Variants in SLC35F1 observed in about 807,000 individuals in gnomAD.
SLC35F1 encodes the protein solute carrier family 35 member F1, also known as chromosome 6 open reading frame 169.
SLC35F1 carries 14 observed loss-of-function variants against 48.7 expected under a neutral mutation model. The observed-to-expected ratio is 0.29, with a 90% CI of 0.19 to 0.45. SLC35F1 has a LOEUF of 0.45. Among genes scored for constraint, SLC35F1 ranks in the 20% least tolerant of loss-of-function variants. The pLI is 1.00. For synonymous variants in SLC35F1, 190 were observed against 202.2 expected (o/e 0.94, Z 0.51); for missense variants, 404 against 500.0 (o/e 0.81, Z 1.83).
chr6:118,034,898 C>T (rs897983486), intron 1 of SLC35F1, among the ~76,000 whole-genome samples: 4 of 152,060 alleles, frequency 2.6e-5, no homozygotes, highest in African/African-American at 9.7e-5. Context: ...TTATACTGGC[C>T]TTGTAAAACT....
At chr6:117,983,335 G>T (rs1776806560) in intron 1 of SLC35F1, among the ~76,000 whole-genome samples, 1 of 152,124 alleles carries the variant, frequency 6.6e-6, no homozygotes, top group South Asian at 2.1e-4. Context: ...CCAGCACTTT[G>T]GGAGGCTGAG....
At chr6:118,070,880 A>ATG (rs1430419983) in intron 1 of SLC35F1, among the ~76,000 whole-genome samples, 10 of 104,340 alleles carry the variant, frequency 9.6e-5, no homozygotes, top group Non-Finnish European at 1.5e-4. Context: ...CTATGTATAT[A>ATG]TATACATAGT....
At chr6:118,047,199 T>C (rs1042216167) in intron 1 of SLC35F1, among the ~76,000 whole-genome samples, 1 of 152,176 alleles carries the variant, frequency 6.6e-6, no homozygotes, top group Non-Finnish European at 1.5e-5. Context: ...AACTGATTGG[T>C]AGTTCTATGG....
In SLC35F1 at chr6:118,106,192, C is replaced by T. The variant is rs150697216; in HGVS notation, c.174-48253C>T. On this transcript the variant is annotated intron_variant, in intron 1 of 7. Coordinates refer to ENST00000360388, the MANE Select transcript of SLC35F1 (RefSeq NM_001029858.4). ...GTAGACTAGAAGAGCACACCCTCCT[C>T]ATAACTAATAATGACCCCTCTTCCT... is the stretch of plus-strand genomic sequence containing the variant. 1.3e-3 allele frequency among the ~76,000 whole-genome samples: 205 copies of T among 152,272 alleles called. 1 individual carries two copies. Among genetic ancestry groups the T allele is most frequent in the African/African-American group, 4.8e-3 (199 of 41,564 alleles).
chr6:118,221,317 G>T (rs1775147553), intron 2 of SLC35F1, among the ~76,000 whole-genome samples: 1 of 152,126 alleles, frequency 6.6e-6, no homozygotes, highest in Non-Finnish European at 1.5e-5. Flanking sequence ...CAGCACAAGG[G>T]CAAGGCACCT....
chr6:118,250,603 A>G (rs532706745), intron 3 of SLC35F1, among the ~76,000 whole-genome samples: 15 of 152,318 alleles, frequency 9.8e-5, no homozygotes, highest in African/African-American at 3.4e-4. Context: ...TCCTGGAGGA[A>G]GCACTGGCTA....
At chr6:118,216,835 CA>C (rs1775080169) in intron 2 of SLC35F1, among the ~76,000 whole-genome samples, 1 of 152,108 alleles carries the variant, frequency 6.6e-6, no homozygotes. Flanking sequence ...CAGCTCAATG[CA>C]AAACAGTACC....
At chr6:118,007,254 A>C (rs1467980577) in intron 1 of SLC35F1, among the ~76,000 whole-genome samples, 1 of 152,008 alleles carries the variant, frequency 6.6e-6, no homozygotes, top group Non-Finnish European at 1.5e-5. Flanking sequence ...CACTGGTGCC[A>C]CTCCTGTGAT....
chr6:117,914,889 C>T lies in SLC35F1; in HGVS notation c.173+6990C>T, dbSNP rs185081257. Reference sequence around the variant, plus strand: ...GATGAATACCATTGAGTTTGTTTCACTTAGGGCTTAAAAAATATTAAAAAA... The same window carrying T: ...GATGAATACCATTGAGTTTGTTTCATTTAGGGCTTAAAAAATATTAAAAAA... On this transcript the variant is annotated intron_variant, in intron 1 of 7. Transcript: ENST00000360388. Among the ~76,000 whole-genome samples, 25 of 151,676 alleles carry T rather than the reference C, an allele frequency of 1.6e-4. No homozygotes were observed. In the East Asian group the frequency reaches 4.4e-3, roughly 27 times the overall value.
chr6:118,245,013 A>G (rs1232367205), intron 3 of SLC35F1, among the ~76,000 whole-genome samples: 1 of 152,172 alleles, frequency 6.6e-6, no homozygotes, highest in Non-Finnish European at 1.5e-5. Flanking sequence ...AACACTAAAC[A>G]CCTTTTCAGT....
intron 1 of SLC35F1, among the ~76,000 whole-genome samples, chr6:117,969,020 A>G (rs548407905): frequency 6.6e-6 from 1 of 152,316 alleles, no homozygotes; most frequent in South Asian, 2.1e-4. Flanking sequence ...TATAGCCTAG[A>G]AAATGTTTTC....
chr6:117,962,995 G>A (rs956457278), intron 1 of SLC35F1, among the ~76,000 whole-genome samples: 6 of 152,094 alleles, frequency 3.9e-5, no homozygotes, highest in East Asian at 3.9e-4. Context: ...TCAGAGCCCC[G>A]GTTTCCTTAT....
chr6:118,145,422 A>C (rs1773957055), intron 1 of SLC35F1, among the ~76,000 whole-genome samples: 2 of 152,250 alleles, frequency 1.3e-5, no homozygotes, highest in Admixed American at 6.5e-5. Context: ...TGATTTAAAA[A>C]TAATTCCTAC....
intron 1 of SLC35F1, among the ~76,000 whole-genome samples, chr6:118,152,339 G>A (rs1421710523): frequency 6.6e-6 from 1 of 152,170 alleles, no homozygotes; most frequent in East Asian, 1.9e-4. Context: ...AGAGGTAGTG[G>A]GAATGGAGGG....
At chr6:117,956,668 A>C (rs1776432625) in intron 1 of SLC35F1, among the ~76,000 whole-genome samples, 1 of 152,220 alleles carries the variant, frequency 6.6e-6, no homozygotes, top group South Asian at 2.1e-4. Context: ...GAGACATTGC[A>C]GAGGCCATTT....
intron 1 of SLC35F1, among the ~76,000 whole-genome samples, chr6:117,997,190 T>C (rs1055809136): frequency 6.6e-6 from 1 of 151,780 alleles, no homozygotes. Context: ...GAAGATGAAA[T>C]GAATGAAATG....
At chr6:118,008,323 C>T (rs1185044284) in intron 1 of SLC35F1, among the ~76,000 whole-genome samples, 1 of 151,860 alleles carries the variant, frequency 6.6e-6, no homozygotes, top group Non-Finnish European at 1.5e-5. Flanking sequence ...TTATAGGCTC[C>T]ACCTGCCTGC....
intron 1 of SLC35F1, among the ~76,000 whole-genome samples, chr6:118,012,722 C>T (rs1024165346): frequency 1.3e-5 from 2 of 152,174 alleles, no homozygotes; most frequent in East Asian, 1.9e-4. Context: ...TCATACTTAA[C>T]ATCATCATTC....
intron 1 of SLC35F1, among the ~76,000 whole-genome samples, chr6:118,093,234 T>C (rs1019352063): frequency 6.6e-6 from 1 of 152,042 alleles, no homozygotes; most frequent in Non-Finnish European, 1.5e-5. Context: ...TAGAATGGCA[T>C]GAACCCAGCA....
Sources: allele counts gnomAD v4.1 joint callset (sites outside exome capture counted in the v4.1 genomes callset), GRCh38; gene constraint gnomAD v4.1.1; transcripts MANE v1.5; gene names NCBI Gene and HGNC (gene_info 2026-07-23, HGNC 2026-07-21).